The following FGR variants were observed in gnomAD, a reference collection of about 807,000 sequenced individuals.
The protein encoded by FGR is tyrosine-protein kinase Fgr.
A neutral mutation model predicts 63.2 loss-of-function variants in FGR; 26 were observed. The observed-to-expected ratio is 0.41, with a 90% confidence interval of 0.30 to 0.57. FGR has a LOEUF of 0.57. Among genes scored for constraint, FGR ranks in the 20% least tolerant of loss-of-function variants. The pLI is 0.27. For synonymous variants in FGR, 286 were observed against 277.7 expected (o/e 1.03, Z -0.30); for missense variants, 511 against 690.8 (o/e 0.74, Z 2.92).
At chr1:27,626,069 C>T (rs1262774691) in intron 1 of FGR, 1 of 398,640 alleles carries the variant, frequency 2.5e-6, no homozygotes, top group African/African-American at 2.1e-5. Context: ...CTCCTATCCC[C>T]ATACCAGAGA....
chr1:27,634,582 A>G (rs1165547670), intron 1 of FGR, among the ~76,000 whole-genome samples: 2 of 149,788 alleles, frequency 1.3e-5, no homozygotes, highest in Non-Finnish European at 3.0e-5. Context: ...GTTCTCCTCA[A>G]CCCCCTTCCC....
chr1:27,620,563 G>A (rs544553078), intron 5 of FGR, among the ~76,000 whole-genome samples: 1 of 152,216 alleles, frequency 6.6e-6, no homozygotes, highest in African/African-American at 2.4e-5. Flanking sequence ...GCTGTAGTAA[G>A]CTAAAATCAT....
intron 1 of FGR, among the ~76,000 whole-genome samples, chr1:27,632,872 A>G (rs2148533068): frequency 6.6e-6 from 1 of 151,672 alleles, no homozygotes; most frequent in African/African-American, 2.4e-5. Context: ...GCCTTTTCCC[A>G]CCTTAGGTCA....
At chr1:27,613,374 A>T in intron 11 of FGR, 24 bp from the exon 12 acceptor site, 5 of 1,611,682 alleles carry the variant, frequency 3.1e-6, no homozygotes, top group Non-Finnish European at 4.2e-6. Flanking sequence ...GGGAGCAGGG[A>T]AAGTTAGTGA....
At chr1:27,618,033 T>C (rs375585230) in intron 5 of FGR, among the ~76,000 whole-genome samples, 11 of 152,320 alleles carry the variant, frequency 7.2e-5, no homozygotes, top group South Asian at 2.1e-4. Context: ...GAAACTGGCC[T>C]GTGGCCATCT....
In FGR at chr1:27,616,302, C is replaced by G. The variant is rs2089811668; in HGVS notation, c.683-458G>C. Among the ~76,000 whole-genome samples, 3 of 152,240 alleles carry G rather than the reference C, an allele frequency of 2.0e-5. No homozygotes were observed. The highest frequency in any genetic ancestry group is 4.4e-5 in the Non-Finnish European group (3 of 68,038). ...CAGCCAATTCTCCACCAAGTCAGGCCTATTCTGCCTCCTACCCAGCTTCAG... is the reference window on the plus strand; with the variant it reads ...CAGCCAATTCTCCACCAAGTCAGGCGTATTCTGCCTCCTACCCAGCTTCAG... On this transcript the variant is annotated intron_variant, in intron 7 of 12. Coordinates refer to ENST00000374005, the MANE Select transcript of FGR (RefSeq NM_005248.3). The surrounding 1 kb of genome is among the most constrained non-coding windows in gnomAD (Gnocchi z 4.3).
chr1:27,626,382 T>A (rs2090022136), intron 1 of FGR: 1 of 395,706 alleles, frequency 2.5e-6, no homozygotes, highest in African/African-American at 2.1e-5. Context: ...TCTCTCTCGA[T>A]CCCCAGTCCA....
chr1:27,619,437 C>T (rs765056535), intron 5 of FGR, among the ~76,000 whole-genome samples: 8 of 152,168 alleles, frequency 5.3e-5, no homozygotes, highest in East Asian at 3.8e-4. Flanking sequence ...GTGATCCGCC[C>T]GCCTCGGCCT....
intron 1 of FGR, among the ~76,000 whole-genome samples, chr1:27,628,363 A>G (rs2090055744): frequency 6.6e-6 from 1 of 152,098 alleles, no homozygotes; most frequent in African/African-American, 2.4e-5. Context: ...AGAAGGCCAC[A>G]GACATGATGT....
In FGR at chr1:27,617,723, T is replaced by G. The variant is rs2089841437; in HGVS notation, c.429-427A>C. Among the ~76,000 whole-genome samples, 1 of 152,164 alleles carries G rather than the reference T, an allele frequency of 6.6e-6. No homozygotes were observed. Among genetic ancestry groups the G allele is most frequent in the African/African-American group, 2.4e-5 (1 of 41,410 alleles). On this transcript the variant is annotated intron_variant, in intron 5 of 12. Transcript: ENST00000374005. The surrounding 1 kb of genome is among the most constrained non-coding windows in gnomAD (Gnocchi z 4.5). ...CCTAGTTCTTTTTTCACCACTCCAG[T>G]AATCAGATCACTCAGATCCTTCTCC...
rs188790398 is a variant in FGR at position 27,619,522 on chromosome 1, C to T, written c.428+2037G>A. ...TATATAGCCTTAATGATCATCTTTACTCTCATGAGTCCCAAATTTCTGCCC... is the reference window on the plus strand; with the variant it reads ...TATATAGCCTTAATGATCATCTTTATTCTCATGAGTCCCAAATTTCTGCCC... On this transcript the variant is annotated intron_variant, in intron 5 of 12. Transcript: ENST00000374005. Among the ~76,000 whole-genome samples the T allele has an allele frequency of 1.2e-4, 19 of 152,308 alleles. No homozygotes were observed. In the East Asian group the frequency reaches 3.7e-3, roughly 29 times the overall value.
intron 2 of FGR, 130 bp downstream of exon 2, chr1:27,624,959 T>A (rs1009835109): frequency 6.6e-6 from 1 of 152,648 alleles, no homozygotes; most frequent in Non-Finnish European, 1.5e-5. Flanking sequence ...TGCCTCATTC[T>A]GGCTCCCCCA....
At chr1:27,621,016 A>AG (rs1175792067) in intron 5 of FGR, among the ~76,000 whole-genome samples, 2 of 129,792 alleles carry the variant, frequency 1.5e-5, no homozygotes, top group African/African-American at 2.8e-5. Flanking sequence ...AAAAAAAAAA[A>AG]AAAGAAAGAA....
Position 27,617,133 on chromosome 1 carries a change from C to A in FGR, c.532+60G>T. 1 of 1,600,468 alleles carries A rather than the reference C, an allele frequency of 6.2e-7. No individual in the cohort carries two copies. Among genetic ancestry groups the A allele is most frequent in the South Asian group, 1.1e-5 (1 of 90,698 alleles). On this transcript the variant is annotated intron_variant, in intron 6 of 12. Transcript: ENST00000374005. The surrounding 1 kb of genome is among the most constrained non-coding windows in gnomAD (Gnocchi z 4.5). ...GCCTTAACCCAAGCAGCCTACCGCTCCTAGCCCTACCCCAATGGCTGGGCC... is the reference window on the plus strand; with the variant it reads ...GCCTTAACCCAAGCAGCCTACCGCTACTAGCCCTACCCCAATGGCTGGGCC...
rs760387692 is a variant in FGR at position 27,614,593 on chromosome 1, C to T, written c.1096-10G>A. Reference sequence around the variant, plus strand: ...CCATGCCCTCAGCTACCTGGGGGACCATAGTGTGGAGAGATGGGAGCTCAT... The same window carrying T: ...CCATGCCCTCAGCTACCTGGGGGACTATAGTGTGGAGAGATGGGAGCTCAT... On this transcript the variant is annotated splice_polypyrimidine_tract_variant and intron_variant, in intron 10 of 12. Coordinates refer to ENST00000374005, the MANE Select transcript of FGR (RefSeq NM_005248.3). 1 of 1,613,282 alleles carries T rather than the reference C, an allele frequency of 6.2e-7. No homozygotes were observed. Among genetic ancestry groups the T allele is most frequent in the Non-Finnish European group, 8.5e-7 (1 of 1,179,500 alleles).
Position 27,621,539 on chromosome 1 carries a change from T to C in FGR, c.428+20A>G. 1 of 1,595,716 alleles carries C rather than the reference T, an allele frequency of 6.3e-7. No individual in the cohort carries two copies. The highest frequency in any genetic ancestry group is 8.6e-7 in the Non-Finnish European group (1 of 1,163,406). ...CAGGGTCCTGTCCATAGGGCTGGTC[T>C]TGCCCCAATCCCTACTTACTCTTCA... On this transcript the variant is annotated intron_variant, in intron 5 of 12. Coordinates refer to ENST00000374005, the MANE Select transcript of FGR (RefSeq NM_005248.3).
intron 1 of FGR, among the ~76,000 whole-genome samples, chr1:27,631,880 T>C (rs1438283944): frequency 6.6e-6 from 1 of 152,028 alleles, no homozygotes; most frequent in Non-Finnish European, 1.5e-5. Context: ...TTCCGGCTTC[T>C]CCTCCAGGCT....
intron 1 of FGR, among the ~76,000 whole-genome samples, chr1:27,634,703 T>C (rs2090153899): frequency 6.6e-6 from 1 of 151,840 alleles, no homozygotes; most frequent in African/African-American, 2.4e-5. Flanking sequence ...CCCTTCAGTT[T>C]CTCCCCCAGA....
chr1:27,626,004 C>T, intron 1 of FGR: 1 of 399,060 alleles, frequency 2.5e-6, no homozygotes, highest in Non-Finnish European at 4.4e-6. Context: ...TCCCAGCCAC[C>T]CTAGGGTTCC....
Sources: gnomAD v4.1 joint callset for allele counts (sites outside exome capture counted in the v4.1 genomes callset) on GRCh38, gnomAD v4.1.1 for gene constraint, Gnocchi (gnomAD v3.1) non-coding constraint, MANE v1.5 for transcripts, NCBI Gene and HGNC (gene_info 2026-07-23, HGNC 2026-07-21) for gene names.